Variants in MBOAT1 observed in about 807,000 individuals in gnomAD.
MBOAT1 encodes membrane-bound glycerophospholipid O-acyltransferase 1.
Under a neutral mutation model 64.4 loss-of-function variants are expected in MBOAT1, and 67 were observed. The ratio of observed to expected loss-of-function variants is 1.04; its 90% CI spans 0.85 to 1.27. The LOEUF is 1.27. Among genes scored for constraint, MBOAT1 ranks in the 50% most tolerant of loss-of-function variants. The pLI, the probability that MBOAT1 is intolerant of heterozygous loss-of-function variation, is 0.00. For missense variants in MBOAT1, 563 were observed against 604.6 expected, an observed-to-expected ratio of 0.93 and a Z score of 0.72; for synonymous variants, 229 against 218.9, an observed-to-expected ratio of 1.05 and a Z score of -0.41.
At position 20,100,581 on chromosome 6, in the gene MBOAT1, T is replaced by A. The variant is rs764003026; in HGVS notation, c.*1705A>T. On this transcript the variant is annotated 3_prime_UTR_variant, in exon 13 of 13. Coordinates refer to ENST00000324607, the MANE Select transcript of MBOAT1 (RefSeq NM_001080480.3). Reference sequence around the variant, plus strand: ...TCCCCCAGCACCAGGACTGTTTACATGCTGTAGAGGAACAGGCACATCACA... The same window carrying A: ...TCCCCCAGCACCAGGACTGTTTACAAGCTGTAGAGGAACAGGCACATCACA... 6.6e-6 allele frequency among the ~76,000 whole-genome samples: 1 copy of A among 152,180 alleles called. No homozygotes were observed. Among genetic ancestry groups the A allele is most frequent in the Non-Finnish European group, 1.5e-5 (1 of 68,036 alleles).
chr6:20,109,147 C>T (rs1455444909), intron 12 of MBOAT1, among the ~76,000 whole-genome samples: 1 of 152,160 alleles, frequency 6.6e-6, no homozygotes, highest in Non-Finnish European at 1.5e-5. Flanking sequence ...ATCAGCCTCA[C>T]CAGGGAGTCC....
chr6:20,179,445 ATGGTTTG>A (rs1486243905), intron 1 of MBOAT1, among the ~76,000 whole-genome samples: 1 of 152,160 alleles, frequency 6.6e-6, no homozygotes, highest in African/African-American at 2.4e-5. Flanking sequence ...GCCGAGGATA[ATGGTTTG>A]TAGCTCCATC....
At chr6:20,118,304 C>A (rs979828372) in intron 9 of MBOAT1, 133 bp downstream of exon 9, 2 of 689,450 alleles carry the variant, frequency 2.9e-6, no homozygotes, top group Non-Finnish European at 2.5e-6. Flanking sequence ...GTCCAGTAGG[C>A]TGCTGAGCCT....
chr6:20,202,213 TAAAC>T (rs2113771729), intron 1 of MBOAT1, among the ~76,000 whole-genome samples: 1 of 152,294 alleles, frequency 6.6e-6, no homozygotes, highest in Non-Finnish European at 1.5e-5. Flanking sequence ...AAAAAATAAA[TAAAC>T]AAATGAATAA....
chr6:20,151,204 T>G lies in MBOAT1; in HGVS notation c.304A>C (p.Ser102Arg), dbSNP rs1482697214. 2 of 1,613,068 alleles carry G rather than the reference T, an allele frequency of 1.2e-6. No homozygotes were observed. Among genetic ancestry groups the G allele is most frequent in the Non-Finnish European group, 8.5e-7 (1 of 1,179,192 alleles). ...LMCYAIMVTA[S>R]VSNIHRYSFF... Reference sequence around the variant, plus strand: ...TCTTACCTGTGAATATTGGATACACTAGCAGTGACCATGATTGCATAGCAC... The same window carrying G: ...TCTTACCTGTGAATATTGGATACACGAGCAGTGACCATGATTGCATAGCAC... Residue 102 changes from serine to arginine, a missense_variant, in exon 3 of 13, where the codon AGT becomes CGT. Physicochemically the swap from Ser to Arg is moderately radical, Grantham distance 110. Coordinates refer to ENST00000324607, the MANE Select transcript of MBOAT1 (RefSeq NM_001080480.3).
chr6:20,127,600 A>G (rs1364670603), intron 6 of MBOAT1, among the ~76,000 whole-genome samples: 2 of 152,180 alleles, frequency 1.3e-5, no homozygotes, highest in African/African-American at 4.8e-5. Context: ...TGAACCGTGC[A>G]TGCCAGGGAT....
At position 20,163,215 on chromosome 6, in the gene MBOAT1, C is replaced by T. The variant is rs376352553; in HGVS notation, c.100-10446G>A. Among the ~76,000 whole-genome samples the T allele has an allele frequency of 2.0e-5, 3 of 152,172 alleles. No homozygotes were observed. In the East Asian group the frequency reaches 5.8e-4, roughly 29 times the overall value. The stretch of plus-strand genomic sequence containing the variant: ...AAATCAAATCCTTATAATCCTTGGC[C>T]CAGCAGGCAGGGAAGACTGTATAAA... On this transcript the variant is annotated intron_variant, in intron 1 of 12. Transcript: ENST00000324607.
intron 1 of MBOAT1, among the ~76,000 whole-genome samples, chr6:20,195,610 T>C (rs1410070406): frequency 4.1e-5 from 2 of 49,120 alleles, no homozygotes; most frequent in Non-Finnish European, 1.5e-4. Context: ...ATTGCCTGTG[T>C]GTGTGTGTGT....
chr6:20,135,997 C>T (rs1036300776), intron 4 of MBOAT1, among the ~76,000 whole-genome samples: 7 of 152,202 alleles, frequency 4.6e-5, no homozygotes, highest in Non-Finnish European at 7.3e-5. Context: ...AGCAGCATTT[C>T]CTCACCTCTC....
intron 1 of MBOAT1, among the ~76,000 whole-genome samples, chr6:20,163,060 C>A (rs1761908428): frequency 6.6e-6 from 1 of 152,144 alleles, no homozygotes; most frequent in South Asian, 2.1e-4. Context: ...AGAACGAAAG[C>A]CCTTTAAAAA....
Position 20,118,501 on chromosome 6 carries a change from C to T in MBOAT1, c.947G>A (p.Gly316Glu). The change falls in exon 9 of 13, where the codon GGA (glycine) becomes GAA (glutamate). Residue 316 changes from glycine (G) to glutamate (E), a missense_variant. Physicochemically the swap from Gly to Glu is moderately conservative, Grantham distance 98. Coordinates refer to ENST00000324607, the MANE Select transcript of MBOAT1 (RefSeq NM_001080480.3). ...ACAGAAATTCCCATTCTTATCCACT[C>T]CGCTGAACCCAAAGCCAGCTGCGTT... ...VNNAAGFGFSGVDKNGNFCWD... is the reference protein window; with the variant it reads ...VNNAAGFGFSEVDKNGNFCWD... The T allele has an allele frequency of 6.2e-7, 1 of 1,614,036 alleles. No individual in the cohort carries two copies. Among genetic ancestry groups the T allele is most frequent in the South Asian group, 1.1e-5 (1 of 91,084 alleles).
At chr6:20,192,283 T>C (rs12664643) in intron 1 of MBOAT1, among the ~76,000 whole-genome samples, 8 of 152,186 alleles carry the variant, frequency 5.3e-5, no homozygotes, top group Non-Finnish European at 8.8e-5. Flanking sequence ...TTCTCACTTA[T>C]TGCCTCCTTC....
chr6:20,211,079 G>A (rs978343795), intron 1 of MBOAT1, among the ~76,000 whole-genome samples: 1 of 152,154 alleles, frequency 6.6e-6, no homozygotes, highest in Non-Finnish European at 1.5e-5. Flanking sequence ...GTCACATCAG[G>A]TGGAGTTCTC....
chr6:20,175,091 C>T (rs1581444769), intron 1 of MBOAT1, among the ~76,000 whole-genome samples: 2 of 152,242 alleles, frequency 1.3e-5, no homozygotes, highest in Non-Finnish European at 2.9e-5. Context: ...AGGAAACAGA[C>T]ACCTCAAAAA....
intron 3 of MBOAT1, among the ~76,000 whole-genome samples, chr6:20,149,740 T>A (rs1761434299): frequency 6.6e-6 from 1 of 152,072 alleles, no homozygotes; most frequent in South Asian, 2.1e-4. Flanking sequence ...CAGAAAAAAA[T>A]ATTTTCCCTG....
chr6:20,207,700 A>G (rs1561789744), intron 1 of MBOAT1, among the ~76,000 whole-genome samples: 1 of 152,254 alleles, frequency 6.6e-6, no homozygotes. Context: ...TTAGTTTGGA[A>G]TTAAGCTTAC....
At chr6:20,193,261 C>A (rs1287295871) in intron 1 of MBOAT1, among the ~76,000 whole-genome samples, 1 of 152,070 alleles carries the variant, frequency 6.6e-6, no homozygotes, top group Non-Finnish European at 1.5e-5. Context: ...CCGCCTAGGC[C>A]TCCCAGAGTG....
intron 1 of MBOAT1, among the ~76,000 whole-genome samples, chr6:20,184,081 G>A (rs1762580116): frequency 6.6e-6 from 1 of 152,196 alleles, no homozygotes; most frequent in South Asian, 2.1e-4. Flanking sequence ...AATTCAAGTT[G>A]AGATTTGGTG....
intron 7 of MBOAT1, among the ~76,000 whole-genome samples, chr6:20,125,080 C>A (rs2113649655): frequency 1.3e-5 from 2 of 152,220 alleles, no homozygotes; most frequent in East Asian, 3.9e-4. Context: ...CCAGCCAGGA[C>A]ATGGGCAGGT....
Sources: allele counts gnomAD v4.1 joint callset (sites outside exome capture counted in the v4.1 genomes callset), GRCh38; gene constraint gnomAD v4.1.1; transcripts MANE v1.5; gene names NCBI Gene and HGNC (gene_info 2026-07-23, HGNC 2026-07-21).